Variants in STK3 observed in about 807,000 individuals in gnomAD.
STK3 encodes serine/threonine kinase 3, also known as serine/threonine-protein kinase 3.
STK3 carries 41 observed loss-of-function variants against 58.0 expected under a neutral mutation model. The observed-to-expected ratio is 0.71, with a 90% CI of 0.55 to 0.92. The LOEUF (loss-of-function observed/expected upper bound fraction) is 0.92. Among genes scored for constraint, STK3 ranks in the 40% least tolerant of loss-of-function variants. The pLI, the probability that STK3 is intolerant of heterozygous loss-of-function variation, is 0.00. For synonymous variants in STK3, 170 were observed against 191.0 expected (o/e 0.89, Z 0.91); for missense variants, 479 against 602.7 (o/e 0.79, Z 2.15).
In STK3 at chr8:98,933,095, G is replaced by A. The variant is rs565541525; in HGVS notation, c.-79+9283C>T. On this transcript the variant is annotated intron_variant, in intron 1 of 1. Transcript: ENST00000519420. ...CTCTAACTCCAACACATAGAATGGG[G>A]TCAGACCAAGTTACATGGCCTTTTC... Among the ~76,000 whole-genome samples, 6 of 152,274 alleles carry A rather than the reference G, an allele frequency of 3.9e-5. No homozygotes were observed. In the South Asian group the frequency reaches 1.2e-3, roughly 32 times the overall value.
chr8:98,797,426 C>T (rs1833247910), intron 1 of STK3, among the ~76,000 whole-genome samples: 1 of 152,158 alleles, frequency 6.6e-6, no homozygotes, highest in African/African-American at 2.4e-5. Context: ...AAACTCAATC[C>T]TCCCCAGTTT....
chr8:98,729,254 C>T (rs150488191), intron 4 of STK3, among the ~76,000 whole-genome samples: 9 of 152,174 alleles, frequency 5.9e-5, no homozygotes, highest in East Asian at 3.9e-4. Context: ...GGATTACAGG[C>T]GCATGCCAAC....
At chr8:98,587,136 C>T (rs1267859897) in intron 7 of STK3, among the ~76,000 whole-genome samples, 7 of 152,142 alleles carry the variant, frequency 4.6e-5, no homozygotes, top group Non-Finnish European at 7.4e-5. Context: ...TTGCCTTCTG[C>T]TAGCTTTTGA....
chr8:98,897,457 G>A (rs1261650363), intron 1 of STK3, among the ~76,000 whole-genome samples: 1 of 151,564 alleles, frequency 6.6e-6, no homozygotes, highest in Non-Finnish European at 1.5e-5. Flanking sequence ...CAGCTACTCC[G>A]GAGGCTGAGG....
chr8:98,727,327 G>C (rs1395501155), intron 4 of STK3, among the ~76,000 whole-genome samples: 5 of 152,340 alleles, frequency 3.3e-5, no homozygotes, highest in Admixed American at 3.3e-4. Context: ...GAGCTTGTGT[G>C]AGTGAGGCCA....
At position 98,890,130 on chromosome 8, in the gene STK3, C is replaced by T. The variant is rs185204532; in HGVS notation, c.-78-6296G>A. Among the ~76,000 whole-genome samples the T allele has an allele frequency of 1.2e-4, 18 of 152,244 alleles. No homozygotes were observed. In the East Asian group the frequency reaches 2.3e-3, roughly 20 times the overall value. The stretch of plus-strand genomic sequence containing the variant: ...AATTTGTGCAGTCTCCCAGTGAGTC[C>T]GTGGTTGTGCTGGGACAAAGTACCC... On this transcript the variant is annotated intron_variant, in intron 1 of 1. Transcript: ENST00000519420.
chr8:98,466,459 T>C (rs1408716468), intron 10 of STK3, among the ~76,000 whole-genome samples: 1 of 152,220 alleles, frequency 6.6e-6, no homozygotes, highest in East Asian at 1.9e-4. Flanking sequence ...AGACCAAATA[T>C]AAACTTCAAT....
intron 7 of STK3, among the ~76,000 whole-genome samples, chr8:98,592,102 T>G (rs1815364758): frequency 6.6e-6 from 1 of 152,344 alleles, no homozygotes; most frequent in Non-Finnish European, 1.5e-5. Flanking sequence ...GTTGCAATAT[T>G]ATGTTATCAA....
chr8:98,551,970 T>A (rs537780450), intron 8 of STK3, among the ~76,000 whole-genome samples: 2 of 152,054 alleles, frequency 1.3e-5, no homozygotes, highest in East Asian at 3.9e-4. Context: ...ATAAGAGACT[T>A]CCCTAAGGTC....
intron 1 of STK3, chr8:98,904,542 C>T (rs1381159208): frequency 2.0e-6 from 1 of 489,568 alleles, no homozygotes; most frequent in African/African-American, 1.9e-5. Context: ...GGAGCAAGTT[C>T]TCATATATGC....
At chr8:98,425,105 C>T (rs1818214381) in intron 3 of STK3, among the ~76,000 whole-genome samples, 1 of 152,218 alleles carries the variant, frequency 6.6e-6, no homozygotes, top group Non-Finnish European at 1.5e-5. Flanking sequence ...CACTGAAGCA[C>T]ACACCCCCTC....
At chr8:98,472,053 AG>A (rs759625910) in intron 10 of STK3, among the ~76,000 whole-genome samples, 5 of 152,198 alleles carry the variant, frequency 3.3e-5, no homozygotes, top group Non-Finnish European at 5.9e-5. Flanking sequence ...GTTATTTAAT[AG>A]GCAATAATCC....
intron 1 of STK3, among the ~76,000 whole-genome samples, chr8:98,801,685 G>A (rs917008111): frequency 6.6e-5 from 10 of 152,048 alleles, no homozygotes; most frequent in African/African-American, 1.2e-4. Context: ...AACAAACTCC[G>A]GACACACCAT....
At chr8:98,750,173 A>G (rs771481469) in intron 3 of STK3, among the ~76,000 whole-genome samples, 18 of 152,186 alleles carry the variant, frequency 1.2e-4, no homozygotes, top group Non-Finnish European at 1.8e-4. Context: ...AGGAAATAAC[A>G]TTGGAATCAT....
At chr8:98,775,485 A>C (rs1368670507) in intron 1 of STK3, among the ~76,000 whole-genome samples, 1 of 152,196 alleles carries the variant, frequency 6.6e-6, no homozygotes, top group Non-Finnish European at 1.5e-5. Flanking sequence ...ACGATGCCCC[A>C]CACGGAGCCA....
chr8:98,667,249 A>C (rs1457399978), intron 6 of STK3, among the ~76,000 whole-genome samples: 6 of 152,292 alleles, frequency 3.9e-5, no homozygotes, highest in Non-Finnish European at 5.9e-5. Context: ...ACCCTGTTTA[A>C]ATATTTAGTC....
chr8:98,596,057 C>T lies in STK3; in HGVS notation c.797G>A (p.Arg266Lys). 1 of 1,613,332 alleles carries T rather than the reference C, an allele frequency of 6.2e-7. No individual in the cohort carries two copies. The highest frequency in any genetic ancestry group is 8.5e-7 in the Non-Finnish European group (1 of 1,179,598). ...KKCLVKNPEQ[R>K]ATATQLLQHP... ...CTGTAAAAGTTGTGTTGCAGTAGCT[C>T]TCTGCTCAGGATTCTTCACCAAACA... The change falls in exon 7 of 11, where the codon AGA (arginine) becomes AAA (lysine). Residue 266 changes from arginine (R) to lysine (K), a missense_variant. By Grantham distance (26) the Arg-to-Lys change is conservative. Around this residue, in one of 3 missense-constraint regions of STK3, gnomAD observed 309 missense variants for 355.7 expected, o/e 0.87. Transcript: ENST00000419617.
At chr8:98,440,174 G>A (rs187725687) in intron 1 of STK3, among the ~76,000 whole-genome samples, 3 of 152,208 alleles carry the variant, frequency 2.0e-5, no homozygotes, top group Admixed American at 1.3e-4. Flanking sequence ...AGGCACAGAC[G>A]GACAAAAGGT....
At chr8:98,578,438 A>G (rs573202660) in intron 8 of STK3, among the ~76,000 whole-genome samples, 2 of 152,356 alleles carry the variant, frequency 1.3e-5, no homozygotes, top group East Asian at 3.8e-4. Flanking sequence ...GGCCAAATAA[A>G]TAACTCATGT....
Sources: allele counts gnomAD v4.1 joint callset (sites outside exome capture counted in the v4.1 genomes callset), GRCh38; gene constraint gnomAD v4.1.1; regional missense constraint gnomAD v4.1.1; transcripts MANE v1.5; gene names NCBI Gene and HGNC (gene_info 2026-07-23, HGNC 2026-07-21).